Variants in INSYN2B observed in about 807,000 individuals in gnomAD.
The protein encoded by INSYN2B is protein INSYN2B.
In INSYN2B, 16 loss-of-function variants were observed where a neutral mutation model predicts 41.2. The ratio of observed to expected loss-of-function variants is 0.39; its 90% confidence interval spans 0.26 to 0.59. INSYN2B has a LOEUF of 0.59. Among genes scored for constraint, INSYN2B ranks in the 20% least tolerant of loss-of-function variants. The probability of loss-of-function intolerance (pLI) is 0.57; values close to 1 mark genes in which losing one functional copy is unlikely to be tolerated. For synonymous variants in INSYN2B, 245 were observed against 244.4 expected (o/e 1.00, Z -0.02); for missense variants, 608 against 646.4 (o/e 0.94, Z 0.64).
At chr5:169,954,105 AT>A (rs1227841384) in intron 1 of INSYN2B, among the ~76,000 whole-genome samples, 1 of 152,238 alleles carries the variant, frequency 6.6e-6, no homozygotes, top group African/African-American at 2.4e-5. Context: ...TTTATCAAAC[AT>A]ACTGAAAGTC....
At chr5:169,954,517 C>G (rs191341960) in intron 1 of INSYN2B, among the ~76,000 whole-genome samples, 174 of 152,336 alleles carry the variant, frequency 1.1e-3, no homozygotes, top group Non-Finnish European at 2.1e-3. Flanking sequence ...GGCCACCCCC[C>G]TGAAGCTGTG....
At chr5:169,947,623 C>T (rs1482275311) in intron 1 of INSYN2B, among the ~76,000 whole-genome samples, 1 of 152,182 alleles carries the variant, frequency 6.6e-6, no homozygotes, top group Non-Finnish European at 1.5e-5. Context: ...ATTTCTTATT[C>T]CTCTCCCTCC....
chr5:169,883,892 G>A lies in INSYN2B; in HGVS notation c.7C>T (p.Gln3Ter), dbSNP rs781411102. 1 of 1,499,388 alleles carries A rather than the reference G, an allele frequency of 6.7e-7. No individual in the cohort carries two copies. The highest frequency in any genetic ancestry group is 8.9e-7 in the Non-Finnish European group (1 of 1,120,140). 92.9% of individuals were successfully genotyped at this position (1,499,388 alleles called of 1,614,324 possible). The change falls in exon 2 of 4, where the codon CAG becomes TAG. Residue 3 changes from glutamine (Q) to a stop codon, truncating the protein, a stop_gained. Transcript: ENST00000377365. LOFTEE classifies it high-confidence loss of function. The part of the protein sequence containing the change: MA[Q>*]QNMKVRPVLL... ...ACAGGTCTCACTTTCATATTTTGCT[G>A]GGCCATTGAGCCTCAGTGGGAAGGA...
At chr5:169,937,771 C>G (rs879326514) in intron 1 of INSYN2B, among the ~76,000 whole-genome samples, 1 of 152,246 alleles carries the variant, frequency 6.6e-6, no homozygotes, top group African/African-American at 2.4e-5. Flanking sequence ...AGGGAAGGTC[C>G]TGAGGGTCCT....
intron 1 of INSYN2B, among the ~76,000 whole-genome samples, chr5:169,967,188 AAGTG>A (rs2113757093): frequency 6.6e-6 from 1 of 152,332 alleles, no homozygotes. Context: ...AGTGCCATGA[AAGTG>A]ATATGCACAG....
At chr5:169,977,443 A>C (rs942722820) in intron 1 of INSYN2B, among the ~76,000 whole-genome samples, 1 of 152,188 alleles carries the variant, frequency 6.6e-6, no homozygotes, top group East Asian at 1.9e-4. Context: ...GCTATTATCG[A>C]GGGCTTTCCG....
chr5:169,909,105 G>T (rs1426434417), intron 1 of INSYN2B, among the ~76,000 whole-genome samples: 3 of 152,162 alleles, frequency 2.0e-5, no homozygotes, highest in Admixed American at 2.0e-4. Context: ...AGAGTCTGTG[G>T]ATGATTTCAT....
chr5:169,867,289 G>A (rs914018487), intron 3 of INSYN2B, among the ~76,000 whole-genome samples: 2 of 152,178 alleles, frequency 1.3e-5, no homozygotes, highest in African/African-American at 4.8e-5. Context: ...GAGAAGGTCA[G>A]AGAAAGAGAC....
intron 3 of INSYN2B, among the ~76,000 whole-genome samples, chr5:169,868,329 T>G (rs182471011): frequency 4.6e-5 from 7 of 152,340 alleles, no homozygotes. Flanking sequence ...TCCACCAAAT[T>G]ATATGAATAC....
intron 1 of INSYN2B, among the ~76,000 whole-genome samples, chr5:169,914,566 A>G (rs1428163731): frequency 2.0e-5 from 3 of 152,224 alleles, no homozygotes; most frequent in Non-Finnish European, 4.4e-5. Flanking sequence ...AAATGGTTAT[A>G]TCTAATCTGG....
In INSYN2B at chr5:169,863,081, G is replaced by T. The variant is rs560990098; in HGVS notation, c.*1192C>A. On this transcript the variant is annotated 3_prime_UTR_variant, in exon 4 of 4. Transcript: ENST00000377365. ...ATTACTTAATTATATTACTTTAGTA[G>T]TTTGTTCAGCCATGCAAGTTTGACT... is the stretch of plus-strand genomic sequence containing the variant. Among the ~76,000 whole-genome samples the T allele has an allele frequency of 6.6e-6, 1 of 152,152 alleles. No homozygotes were observed. Among genetic ancestry groups the T allele is most frequent in the Non-Finnish European group, 1.5e-5 (1 of 68,030 alleles).
chr5:169,955,991 C>T (rs1181788829), intron 1 of INSYN2B, among the ~76,000 whole-genome samples: 1 of 150,874 alleles, frequency 6.6e-6, no homozygotes, highest in Non-Finnish European at 1.5e-5. Context: ...GGGTGTGGCT[C>T]TGGAGCTCAG....
intron 1 of INSYN2B, among the ~76,000 whole-genome samples, chr5:169,888,881 G>T (rs895274059): frequency 6.6e-6 from 1 of 152,154 alleles, no homozygotes; most frequent in African/African-American, 2.4e-5. Context: ...TAAACTGTAG[G>T]TGCATTCATG....
chr5:169,943,018 A>G (rs1776301523), intron 1 of INSYN2B, among the ~76,000 whole-genome samples: 1 of 152,230 alleles, frequency 6.6e-6, no homozygotes, highest in Admixed American at 6.5e-5. Flanking sequence ...AATAGCTAAA[A>G]AAGAGGAATA....
intron 1 of INSYN2B, among the ~76,000 whole-genome samples, chr5:169,917,298 C>T (rs148416361): frequency 4.5e-4 from 69 of 152,300 alleles, no homozygotes; most frequent in African/African-American, 1.6e-3. Context: ...TCCCATGACA[C>T]CCAAGTGTCA....
Position 169,903,881 on chromosome 5 carries a change from C to T in INSYN2B, c.-918-19065G>A, listed in dbSNP as rs1050383819. On this transcript the variant is annotated intron_variant, in intron 1 of 3. Transcript: ENST00000377365. The stretch of plus-strand genomic sequence containing the variant: ...TTGGGAGGCCGAGGCAGGTGAATCA[C>T]CTGAGGTCAGGAGTTCGAGACCAGC... Among the ~76,000 whole-genome samples the T allele has an allele frequency of 2.3e-4, 35 of 151,904 alleles. 1 individual carries two copies. Among genetic ancestry groups the T allele is most frequent in the African/African-American group, 8.2e-4 (34 of 41,334 alleles).
At chr5:169,876,435 C>A (rs1252980912) in intron 3 of INSYN2B, among the ~76,000 whole-genome samples, 1 of 152,212 alleles carries the variant, frequency 6.6e-6, no homozygotes, top group Non-Finnish European at 1.5e-5. Flanking sequence ...AATTCAGACA[C>A]CAGAGAAGGG....
chr5:169,914,072 C>A (rs190269989), intron 1 of INSYN2B, among the ~76,000 whole-genome samples: 1 of 152,224 alleles, frequency 6.6e-6, no homozygotes, highest in Admixed American at 6.5e-5. Context: ...AAGCTTTTGA[C>A]TGAAGAAAAA....
intron 1 of INSYN2B, among the ~76,000 whole-genome samples, chr5:169,957,254 C>G (rs2113737030): frequency 6.6e-6 from 1 of 152,312 alleles, no homozygotes; most frequent in Non-Finnish European, 1.5e-5. Flanking sequence ...GACTTTCTGG[C>G]CTTTAGCCAG....
Sources: gnomAD v4.1 joint callset for allele counts (sites outside exome capture counted in the v4.1 genomes callset) on GRCh38, gnomAD v4.1.1 for gene constraint, MANE v1.5 for transcripts, NCBI Gene and HGNC (gene_info 2026-07-23, HGNC 2026-07-21) for gene names.